Variants in RBM19 observed in about 807,000 individuals in gnomAD.
RBM19 encodes the protein RNA binding motif protein 19.
Under a neutral mutation model 116.8 loss-of-function variants are expected in RBM19, and 94 were observed. The observed-to-expected ratio is 0.80, with a 90% CI of 0.68 to 0.95. RBM19 has a LOEUF of 0.95. Among genes scored for constraint, RBM19 ranks in the 40% least tolerant of loss-of-function variants. The probability of loss-of-function intolerance (pLI) is 0.00; values close to 1 mark genes in which losing one functional copy is unlikely to be tolerated. For synonymous variants in RBM19, 475 were observed against 494.1 expected, an observed-to-expected ratio of 0.96 and a Z score of 0.51; for missense variants, 1,161 against 1,220.7, an observed-to-expected ratio of 0.95 and a Z score of 0.73.
At chr12:113,875,151 A>T (rs1879571071) in intron 21 of RBM19, among the ~76,000 whole-genome samples, 1 of 152,254 alleles carries the variant, frequency 6.6e-6, no homozygotes, top group Non-Finnish European at 1.5e-5. Flanking sequence ...GGGGACAGGG[A>T]GCACGGGAGC....
chr12:113,871,243 T>C (rs1879183524), intron 21 of RBM19, among the ~76,000 whole-genome samples: 2 of 152,274 alleles, frequency 1.3e-5, no homozygotes, highest in African/African-American at 4.8e-5. Flanking sequence ...ACTAAGCTTC[T>C]GCCTGTCACC....
intron 16 of RBM19, among the ~76,000 whole-genome samples, chr12:113,928,516 T>C (rs1246022913): frequency 6.7e-6 from 1 of 150,304 alleles, no homozygotes; most frequent in Non-Finnish European, 1.5e-5. Flanking sequence ...GCACTAGGGA[T>C]GGTCGTCATT....
At chr12:113,916,033 T>C (rs12581065) in intron 20 of RBM19, among the ~76,000 whole-genome samples, 14,232 of 152,186 alleles carry the variant, frequency 0.094, 786 homozygotes, top group African/African-American at 0.13. Context: ...TTTCTTTTCT[T>C]TTTTTTGTCT....
intron 21 of RBM19, among the ~76,000 whole-genome samples, chr12:113,882,052 T>A (rs1880175657): frequency 6.6e-6 from 1 of 152,218 alleles, no homozygotes; most frequent in Non-Finnish European, 1.5e-5. Flanking sequence ...CATGGGCAAG[T>A]CACAGAGTCC....
chr12:113,936,858 A>G, intron 16 of RBM19, 149 bp downstream of exon 16: 2 of 1,061,588 alleles, frequency 1.9e-6, no homozygotes, highest in Non-Finnish European at 2.7e-6. Flanking sequence ...ACATGCCCAT[A>G]AAATCTGAGA....
At chr12:113,834,644 T>C (rs1281788637) in intron 23 of RBM19, among the ~76,000 whole-genome samples, 10 of 152,176 alleles carry the variant, frequency 6.6e-5, no homozygotes. Flanking sequence ...AAACAGATTG[T>C]AGGCTGTGGT....
intron 18 of RBM19, 103 bp from the exon 19 acceptor site, chr12:113,920,793 C>A: frequency 1.0e-6 from 1 of 984,222 alleles, no homozygotes; most frequent in South Asian, 1.4e-5. Flanking sequence ...ATTTCCTCTT[C>A]TTTTCATACC....
intron 7 of RBM19, among the ~76,000 whole-genome samples, chr12:113,954,303 C>A (rs764060875): frequency 6.6e-6 from 1 of 152,044 alleles, no homozygotes; most frequent in East Asian, 1.9e-4. Context: ...CACACACACA[C>A]AAAAATAATA....
chr12:113,821,378 T>C (rs1274974335), downstream of RBM19, among the ~76,000 whole-genome samples: 3 of 152,120 alleles, frequency 2.0e-5, no homozygotes, highest in African/African-American at 7.2e-5. Flanking sequence ...ACAAATTGTA[T>C]AGACCAGAAG....
chr12:113,852,029 C>T (rs7299964), intron 22 of RBM19, among the ~76,000 whole-genome samples: 19,864 of 148,554 alleles, frequency 0.13, 1,285 homozygotes, highest in South Asian at 0.14. Context: ...CCAGCCTGAG[C>T]GACAGAACGA....
chr12:113,966,179 C>T lies in RBM19; in HGVS notation c.36+13G>A, dbSNP rs1389686916. ...TCTCATTTCAGATTCCCAAGTCCTG[C>T]CTCTGCACTCACCCCATTCGGGAGA... is the stretch of plus-strand genomic sequence containing the variant. On this transcript the variant is annotated intron_variant, in intron 1 of 23. Coordinates refer to ENST00000261741, the MANE Select transcript of RBM19 (RefSeq NM_016196.4). The T allele has an allele frequency of 6.2e-7, 1 of 1,614,264 alleles. No homozygotes were observed. The highest frequency in any genetic ancestry group is 1.7e-5 in the Admixed American group (1 of 60,038).
At chr12:113,843,877 TC>T (rs1288899056) in intron 23 of RBM19, among the ~76,000 whole-genome samples, 3 of 152,252 alleles carry the variant, frequency 2.0e-5, no homozygotes, top group Non-Finnish European at 4.4e-5. Context: ...CATGCTGTCC[TC>T]CCTGTTTCTC....
chr12:113,836,629 G>A (rs61930704), intron 23 of RBM19, among the ~76,000 whole-genome samples: 52,204 of 151,678 alleles, frequency 0.34, 9,164 homozygotes, highest in South Asian at 0.38. Flanking sequence ...GGACATTACG[G>A]TTGCTGCTTG....
chr12:113,928,837 A>G (rs1465791143), intron 16 of RBM19, among the ~76,000 whole-genome samples: 2 of 152,078 alleles, frequency 1.3e-5, no homozygotes, highest in African/African-American at 2.4e-5. Context: ...AAGCTCCCCA[A>G]TTTCCCTAAG....
chr12:113,846,632 A>G (rs1052528006), intron 22 of RBM19, among the ~76,000 whole-genome samples: 1 of 152,188 alleles, frequency 6.6e-6, no homozygotes, highest in African/African-American at 2.4e-5. Flanking sequence ...GGCACCAAAC[A>G]GGATTTCCCT....
At chr12:113,881,187 C>T (rs1192741345) in intron 21 of RBM19, among the ~76,000 whole-genome samples, 4 of 152,268 alleles carry the variant, frequency 2.6e-5, no homozygotes, top group Admixed American at 6.5e-5. Context: ...TTTTCTCGAG[C>T]GAGTTTCTCG....
chr12:113,816,931 T>C lies in RBM19; in HGVS notation c.*1271A>G, dbSNP rs1440370719. On this transcript the variant is annotated 3_prime_UTR_variant, in exon 25 of 25. Transcript: ENST00000545145. ...TTTCATTAAAATTTAAATTTCAGCA[T>C]GCGCTCACTCTCCCTTCCCCGTCCT... 4.6e-5 allele frequency: 7 copies of C among 152,290 alleles called. No individual in the cohort carries two copies. The East Asian group carries it at 1.4e-3, about 29-fold the overall frequency. 9.4% of individuals were successfully genotyped at this position (152,290 alleles called of 1,614,324 possible).
chr12:113,933,542 G>A (rs904739715), intron 16 of RBM19, among the ~76,000 whole-genome samples: 3 of 151,134 alleles, frequency 2.0e-5, no homozygotes, highest in Non-Finnish European at 2.9e-5. Context: ...CCCAGCGGCC[G>A]GGCTCTAAGG....
intron 21 of RBM19, among the ~76,000 whole-genome samples, chr12:113,895,068 T>C (rs530923474): frequency 6.6e-6 from 1 of 152,342 alleles, no homozygotes; most frequent in South Asian, 2.1e-4. Flanking sequence ...ACAGTGATAG[T>C]TGATATTTGC....
Sources: gnomAD v4.1 joint callset for allele counts (sites outside exome capture counted in the v4.1 genomes callset) on GRCh38, gnomAD v4.1.1 for gene constraint, MANE v1.5 for transcripts, NCBI Gene and HGNC (gene_info 2026-07-23, HGNC 2026-07-21) for gene names.